Variants in CENPC observed in about 807,000 individuals in gnomAD.
CENPC encodes the protein centromere protein C, also known as CENP-C 1.
Under a neutral mutation model 112.1 loss-of-function variants are expected in CENPC, and 63 were observed. The ratio of observed to expected loss-of-function variants is 0.56; its 90% CI spans 0.46 to 0.69. The LOEUF is 0.69. CENPC is among the 30% of genes least tolerant of loss of function. CENPC has a pLI of 0.00. For missense variants in CENPC, 1,000 were observed against 1,103.8 expected (o/e 0.91, Z 1.33); for synonymous variants, 333 against 367.6 (o/e 0.91, Z 1.08).
intron 12 of CENPC, among the ~76,000 whole-genome samples, chr4:67,495,709 C>A (rs1725413408): frequency 6.6e-6 from 1 of 152,080 alleles, no homozygotes; most frequent in African/African-American, 2.4e-5. Flanking sequence ...TGAAATAAGC[C>A]ACTTGTGGAT....
At chr4:67,517,575 A>T (rs28756365) in intron 7 of CENPC, among the ~76,000 whole-genome samples, 94,875 of 150,582 alleles carry the variant, frequency 0.63, 30,199 homozygotes, top group East Asian at 0.81. Context: ...CGGTGGCTCA[A>T]GCTTGTAATC....
At chr4:67,488,552 T>A (rs1349830807) in intron 17 of CENPC, among the ~76,000 whole-genome samples, 1 of 151,992 alleles carries the variant, frequency 6.6e-6, no homozygotes, top group East Asian at 1.9e-4. Context: ...TAAAGTGTCA[T>A]TTGGATTTAA....
intron 17 of CENPC, among the ~76,000 whole-genome samples, chr4:67,480,422 T>C (rs1281085850): frequency 6.6e-6 from 1 of 151,546 alleles, no homozygotes; most frequent in Non-Finnish European, 1.5e-5. Context: ...AGAGACAAAT[T>C]CTTGGAAATA....
At chr4:67,489,662 C>CTA (rs1334328680) in intron 17 of CENPC, among the ~76,000 whole-genome samples, 18 of 152,158 alleles carry the variant, frequency 1.2e-4, no homozygotes, top group Middle Eastern at 3.4e-3. Context: ...GATTTAATCT[C>CTA]TATAATCCCC....
intron 14 of CENPC, chr4:67,493,259 CT>C: frequency 2.7e-5 from 5 of 183,364 alleles, no homozygotes; most frequent in East Asian, 1.3e-4. Context: ...TCAGTGGAGG[CT>C]TTTAAAAAAA....
intron 18 of CENPC, among the ~76,000 whole-genome samples, chr4:67,473,555 TTTTG>T (rs1312523911): frequency 1.3e-5 from 2 of 152,066 alleles, no homozygotes; most frequent in Non-Finnish European, 2.9e-5. Context: ...AGACACTTTG[TTTTG>T]TTTTTGTTTT....
At chr4:67,487,536 A>G (rs954240306) in intron 17 of CENPC, among the ~76,000 whole-genome samples, 4 of 151,734 alleles carry the variant, frequency 2.6e-5, no homozygotes, top group Non-Finnish European at 4.4e-5. Context: ...AGAATCAGGC[A>G]TTCCTCCAAG....
intron 17 of CENPC, among the ~76,000 whole-genome samples, chr4:67,480,096 G>T (rs1257822947): frequency 6.6e-6 from 1 of 152,140 alleles, no homozygotes; most frequent in African/African-American, 2.4e-5. Flanking sequence ...GAGGCAGGTG[G>T]ATTGCCTGGG....
At position 67,518,273 on chromosome 4, in the gene CENPC, T is replaced by C; in HGVS notation, c.713A>G (p.Lys238Arg). 6.4e-7 allele frequency: 1 copy of C among 1,560,370 alleles called. No individual in the cohort carries two copies. Among genetic ancestry groups the C allele is most frequent in the Non-Finnish European group, 8.7e-7 (1 of 1,152,672 alleles). ...EDKTSEGQER[K>R]PSGSSQNRIR... ...TCTATTCTGAGATGATCCTGATGGT[T>C]TTCTTTCTTGTCCTTCCGATGTTTT... Residue 238 changes from lysine (K) to arginine (R), a missense_variant, in exon 7 of 19, where the codon AAA becomes AGA. By Grantham distance (26) the Lys-to-Arg change is conservative (BLOSUM62 2). Transcript: ENST00000273853.
intron 2 of CENPC, among the ~76,000 whole-genome samples, chr4:67,543,710 T>C (rs1726950969): frequency 6.6e-6 from 1 of 152,214 alleles, no homozygotes; most frequent in Admixed American, 6.5e-5. Flanking sequence ...ATCCTATTAC[T>C]AGTAAATATT....
rs201792278 is a variant in CENPC, at chr4:67,505,187, A to C, written c.2131+18T>G. ...ATAATGCCATAAAAATCAAGACAGA[A>C]AAAAAACAATAGTTTACCTGAACTT... On this transcript the variant is annotated intron_variant, in intron 12 of 18. Transcript: ENST00000273853. 8.6e-5 allele frequency: 131 copies of C among 1,530,250 alleles called. No individual in the cohort carries two copies. Among genetic ancestry groups the C allele is most frequent in the Non-Finnish European group, 7.8e-5 (88 of 1,129,726 alleles). The allele number at this position is 1,530,250 out of a possible 1,614,324, so 94.8% of individuals were successfully genotyped here.
chr4:67,530,911 G>C lies in CENPC; in HGVS notation c.235C>G (p.Gln79Glu). The C allele has an allele frequency of 6.5e-7, 1 of 1,542,488 alleles. No individual in the cohort carries two copies. The highest frequency in any genetic ancestry group is 2.3e-5 in the East Asian group (1 of 43,574). Residue 79 changes from glutamine to glutamate, a missense_variant, in exon 5 of 19, where the codon CAG becomes GAG. By Grantham distance (29) the Gln-to-Glu change is conservative. Transcript: ENST00000273853. ...TCIQSPSKEC[Q>E]KSHPKSVPVS... ...GGAACTGACTTTGGATGTGATTTCTGGCACTGAGCACAGAAGAAATACAAC... is the reference window on the plus strand; with the variant it reads ...GGAACTGACTTTGGATGTGATTTCTCGCACTGAGCACAGAAGAAATACAAC...
intron 17 of CENPC, among the ~76,000 whole-genome samples, chr4:67,480,951 C>T (rs577241908): frequency 3.9e-5 from 6 of 152,132 alleles, no homozygotes; most frequent in South Asian, 4.1e-4. Context: ...CCAGAGCAAT[C>T]GGACAAAGGA....
chr4:67,497,820 A>T, intron 12 of CENPC, among the ~76,000 whole-genome samples: 1 of 102,064 alleles, frequency 9.8e-6, no homozygotes, highest in East Asian at 3.9e-4. Flanking sequence ...GTGAGCCACC[A>T]TACCCAGCCA....
At position 67,535,174 on chromosome 4, in the gene CENPC, A is replaced by G. The variant is rs190437191; in HGVS notation, c.232-4260T>C. 8.5e-5 allele frequency among the ~76,000 whole-genome samples: 13 copies of G among 152,160 alleles called. No homozygotes were observed. In the East Asian group the frequency reaches 2.3e-3, roughly 27 times the overall value. ...ATATATATTATTTTTTAATTAAAGG[A>G]AAATAATTTCTAATCTAGAATTCTG... On this transcript the variant is annotated intron_variant, in intron 4 of 18. Coordinates refer to ENST00000273853, the MANE Select transcript of CENPC (RefSeq NM_001812.4).
chr4:67,519,626 G>T, intron 5 of CENPC, 124 bp from the exon 6 acceptor site: 1 of 664,582 alleles, frequency 1.5e-6, no homozygotes, highest in Non-Finnish European at 2.4e-6. Flanking sequence ...AAGTCATTAA[G>T]ATTAGAATCA....
chr4:67,478,838 A>C (rs894890714), intron 17 of CENPC, among the ~76,000 whole-genome samples: 1 of 152,190 alleles, frequency 6.6e-6, no homozygotes, highest in Non-Finnish European at 1.5e-5. Flanking sequence ...CACTTAACAC[A>C]TAAGGATTCA....
At position 67,490,017 on chromosome 4, in the gene CENPC, A is replaced by G. The variant is rs750037717; in HGVS notation, c.2620T>C (p.Leu874=). 7 of 1,602,670 alleles carry G rather than the reference A, an allele frequency of 4.4e-6. No individual in the cohort carries two copies. In the African/African-American group the frequency reaches 9.4e-5, roughly 21 times the overall value. ...TTTCCCTTTTCTTCTTGTGGTCCTA[A>G]TATCAATTTCCCAGTAGAAAAAAAG... The part of the protein sequence containing the change: ...TPFFSTGKLI[L]GPQEEKGKQH... Residue 874 remains leucine, a synonymous_variant, in exon 17 of 19, where the codon TTA becomes CTA. Coordinates refer to ENST00000273853, the MANE Select transcript of CENPC (RefSeq NM_001812.4).
intron 7 of CENPC, among the ~76,000 whole-genome samples, chr4:67,517,943 A>G (rs1577995455): frequency 6.6e-6 from 1 of 152,336 alleles, no homozygotes; most frequent in South Asian, 2.1e-4. Flanking sequence ...GTTTTCTTTC[A>G]AGTCTAATTT....
Sources: allele counts gnomAD v4.1 joint callset (sites outside exome capture counted in the v4.1 genomes callset), GRCh38; gene constraint gnomAD v4.1.1; transcripts MANE v1.5; gene names NCBI Gene and HGNC (gene_info 2026-07-23, HGNC 2026-07-21).